Variants in TENM4 observed in about 807,000 individuals in gnomAD.
TENM4 encodes the protein teneurin-4.
A neutral mutation model predicts 243.3 loss-of-function variants in TENM4; 82 were observed. The ratio of observed to expected loss-of-function variants is 0.34; its 90% CI spans 0.28 to 0.40. The LOEUF (loss-of-function observed/expected upper bound fraction) is 0.40, where lower values mean the gene tolerates loss of function less well. TENM4 is among the 10% of genes least tolerant of loss of function. The pLI is 1.00. For missense variants in TENM4, 3,138 were observed against 3,673.3 expected, an observed-to-expected ratio of 0.85 and a Z score of 3.77; for synonymous variants, 1,412 against 1,456.3, an observed-to-expected ratio of 0.97 and a Z score of 0.69.
chr11:79,353,130 G>C (rs1857442368), intron 1 of TENM4, among the ~76,000 whole-genome samples: 1 of 152,130 alleles, frequency 6.6e-6, no homozygotes. Flanking sequence ...TACCTTATGG[G>C]GCAGGAAAAC....
chr11:79,083,112 T>A (rs1202199280), intron 4 of TENM4, among the ~76,000 whole-genome samples: 2 of 152,094 alleles, frequency 1.3e-5, no homozygotes, highest in Non-Finnish European at 2.9e-5. Flanking sequence ...CGTTGGTAAT[T>A]AAGTCTTATA....
At chr11:79,097,101 C>A (rs953871251) in intron 4 of TENM4, 2 of 152,174 alleles carry the variant, frequency 1.3e-5, no homozygotes, top group South Asian at 2.1e-4. Flanking sequence ...GACAGGGGCT[C>A]TATCCACATT....
intron 20 of TENM4, among the ~76,000 whole-genome samples, chr11:78,738,169 C>G (rs1855841872): frequency 6.6e-6 from 1 of 152,204 alleles, no homozygotes; most frequent in South Asian, 2.1e-4. Context: ...GTTCGCATGA[C>G]TGTTTTATAT....
rs1387513322 is a variant in TENM4, at chr11:78,732,408, A to T, written c.3046T>A (p.Phe1016Ile). 1 of 1,613,866 alleles carries T rather than the reference A, an allele frequency of 6.2e-7. No individual in the cohort carries two copies. The highest frequency in any genetic ancestry group is 2.2e-5 in the East Asian group (1 of 44,876). ...NEIPSCDLSN[F>I]ARPNPVVSPS... ...GAGACGACTGGGTTGGGGCGGGCAAAATTGCTCAGGTCACAGCTGGGAATC... is the reference window on the plus strand; with the variant it reads ...GAGACGACTGGGTTGGGGCGGGCAATATTGCTCAGGTCACAGCTGGGAATC... Residue 1016 changes from phenylalanine to isoleucine, a missense_variant, in exon 21 of 34, where the codon TTT (phenylalanine) becomes ATT (isoleucine). By Grantham distance (21) the Phe-to-Ile change is conservative (BLOSUM62 0). This residue lies in a region of TENM4 where 2,467 missense variants were observed against 3,059.1 expected (regional missense o/e 0.81). Coordinates refer to ENST00000278550, the MANE Select transcript of TENM4 (RefSeq NM_001098816.3).
chr11:79,222,949 C>G (rs752642907), intron 2 of TENM4, among the ~76,000 whole-genome samples: 5 of 151,706 alleles, frequency 3.3e-5, no homozygotes, highest in Admixed American at 3.3e-4. Flanking sequence ...AACACATGAA[C>G]GCAGGGAGGG....
intron 6 of TENM4, among the ~76,000 whole-genome samples, chr11:78,931,456 A>G (rs560177789): frequency 4.6e-5 from 7 of 152,384 alleles, no homozygotes; most frequent in Non-Finnish European, 8.8e-5. Context: ...GAGGTGCAGT[A>G]GAAAATAAGT....
intron 3 of TENM4, among the ~76,000 whole-genome samples, chr11:79,194,206 T>C (rs1170923479): frequency 6.6e-6 from 1 of 152,006 alleles, no homozygotes; most frequent in Non-Finnish European, 1.5e-5. Flanking sequence ...CCCAGACATG[T>C]GGAACTGTAA....
intron 1 of TENM4, among the ~76,000 whole-genome samples, chr11:79,413,417 C>G (rs778732373): frequency 4.6e-5 from 7 of 152,232 alleles, no homozygotes; most frequent in Non-Finnish European, 1.0e-4. Context: ...CTGCCTTTCC[C>G]TTTCCCCGCC....
intron 6 of TENM4, among the ~76,000 whole-genome samples, chr11:78,921,287 T>C (rs931378130): frequency 6.6e-6 from 1 of 152,156 alleles, no homozygotes; most frequent in Admixed American, 6.5e-5. Context: ...CCTGGGTCTG[T>C]CATGTGTCTG....
chr11:79,284,085 T>C (rs1856205827), intron 2 of TENM4, among the ~76,000 whole-genome samples: 1 of 152,164 alleles, frequency 6.6e-6, no homozygotes, highest in Non-Finnish European at 1.5e-5. Context: ...ATATCTCATG[T>C]TTGTGGATTG....
intron 12 of TENM4, among the ~76,000 whole-genome samples, chr11:78,841,801 A>G (rs1591064111): frequency 6.6e-6 from 1 of 151,866 alleles, no homozygotes; most frequent in South Asian, 2.1e-4. Flanking sequence ...TTTCCACTCT[A>G]TGCCTCTCAT....
rs1565429982 is a variant in TENM4, at chr11:78,899,562, G to GGT, written c.749+3705_749+3706insAC. ...CACTGCACTCTGTCTCAAAAAGCGG[G>GGT]GGGGGGGGGAAAAAGAAAAAAGAAA... is the stretch of plus-strand genomic sequence containing the variant. On this transcript the variant is annotated intron_variant, in intron 7 of 33. Coordinates refer to ENST00000278550, the MANE Select transcript of TENM4 (RefSeq NM_001098816.3). 1.8e-4 allele frequency among the ~76,000 whole-genome samples: 25 copies of GGT among 135,356 alleles called. 1 individual carries two copies. The South Asian group carries it at 2.3e-3, about 12-fold the overall frequency. 88.8% of individuals were successfully genotyped at this position (135,356 alleles called of 152,430 possible).
In TENM4 at chr11:78,708,639, C is replaced by T. The variant is rs1024795947; in HGVS notation, c.4055-124G>A. On this transcript the variant is annotated intron_variant, in intron 26 of 33. Coordinates refer to ENST00000278550, the MANE Select transcript of TENM4 (RefSeq NM_001098816.3). ...TGATTGGGTTTGAGCCTCCCACAAC[C>T]TTCATTCCTCTCTCAAAGAGGAGGA... is the stretch of plus-strand genomic sequence containing the variant. 1.1e-5 allele frequency: 12 copies of T among 1,122,042 alleles called. No individual in the cohort carries two copies. The South Asian group carries it at 1.6e-4, about 15-fold the overall frequency. The allele number at this position is 1,122,042 out of a possible 1,614,324, so 69.5% of individuals were successfully genotyped here. A position where few individuals can be genotyped will look rare whatever the true frequency, so the allele number is the denominator to read the frequency against.
intron 2 of TENM4, among the ~76,000 whole-genome samples, chr11:79,222,360 A>G (rs569524546): frequency 6.6e-6 from 1 of 152,272 alleles, no homozygotes; most frequent in Admixed American, 6.5e-5. Flanking sequence ...GCTGCATAGT[A>G]TTCCATGGTG....
rs184275354 is a variant in TENM4 at position 79,241,048 on chromosome 11, A to G, written c.-264-25139T>C. On this transcript the variant is annotated intron_variant, in intron 2 of 33. Transcript: ENST00000278550. ...AGAGCAATAAGAAGCACACACACAA[A>G]GTAGTTTTAAAATGCTGGCCCCAGT... Among the ~76,000 whole-genome samples the G allele has an allele frequency of 3.5e-3, 536 of 152,256 alleles. 12 individuals carry two copies. The highest frequency in any genetic ancestry group is 9.7e-4 in the East Asian group (5 of 5,178).
At chr11:78,668,407 T>G (rs1858214490) in intron 32 of TENM4, among the ~76,000 whole-genome samples, 1 of 152,236 alleles carries the variant, frequency 6.6e-6, no homozygotes, top group African/African-American at 2.4e-5. Context: ...ATAATTTTTG[T>G]AACATGTCAT....
Position 78,767,120 on chromosome 11 carries a change from C to G in TENM4, c.2539+3872G>C, listed in dbSNP as rs75575473. Among the ~76,000 whole-genome samples, 1,474 of 152,276 alleles carry G rather than the reference C, an allele frequency of 9.7e-3. 11 individuals carry two copies. Among genetic ancestry groups the G allele is most frequent in the Middle Eastern group, 0.017 (5 of 294 alleles). ...CGGAGATCTTAGATAACTTGAAGGGCTACAGGGATCTACAATGGGCCATAT... is the reference window on the plus strand; with the variant it reads ...CGGAGATCTTAGATAACTTGAAGGGGTACAGGGATCTACAATGGGCCATAT... On this transcript the variant is annotated intron_variant, in intron 18 of 33. Coordinates refer to ENST00000278550, the MANE Select transcript of TENM4 (RefSeq NM_001098816.3).
chr11:79,002,630 A>G (rs1858361757), intron 6 of TENM4, among the ~76,000 whole-genome samples: 1 of 152,224 alleles, frequency 6.6e-6, no homozygotes, highest in Non-Finnish European at 1.5e-5. Flanking sequence ...ATCAAACAAG[A>G]TAAAATCAAA....
At chr11:79,049,107 C>T (rs1393945178) in intron 6 of TENM4, among the ~76,000 whole-genome samples, 1 of 152,156 alleles carries the variant, frequency 6.6e-6, no homozygotes, top group African/African-American at 2.4e-5. Context: ...AGCCTTCCTG[C>T]AGCCAGGCAG....
Sources: allele counts gnomAD v4.1 joint callset (sites outside exome capture counted in the v4.1 genomes callset), GRCh38; gene constraint gnomAD v4.1.1; regional missense constraint gnomAD v4.1.1; transcripts MANE v1.5; gene names NCBI Gene and HGNC (gene_info 2026-07-23, HGNC 2026-07-21).